Variants in EYS observed in about 807,000 individuals in gnomAD.
EYS encodes EGF-like photoreceptor maintenance factor, also known as protein eyes shut homolog.
In EYS, 250 loss-of-function variants were observed where a neutral mutation model predicts 282.1. That is an observed-to-expected ratio of 0.89 (90% CI 0.80 to 0.98). The LOEUF is 0.98. Among genes scored for constraint, EYS ranks in the 50% least tolerant of loss-of-function variants. The probability of loss-of-function intolerance (pLI) is 0.00; values close to 1 mark genes in which losing one functional copy is unlikely to be tolerated. For synonymous variants in EYS, 1,355 were observed against 1,282.9 expected, an observed-to-expected ratio of 1.06 and a Z score of -1.20; for missense variants, 4,016 against 3,709.0, an observed-to-expected ratio of 1.08 and a Z score of -2.15.
intron 12 of EYS, among the ~76,000 whole-genome samples, chr6:65,188,783 A>AAAAG (rs1765572155): frequency 1.3e-5 from 2 of 149,688 alleles, no homozygotes; most frequent in African/African-American, 4.9e-5. Context: ...AAAAAAAAAA[A>AAAAG]GATGAAGGAA....
chr6:64,821,289 T>C (rs1180940467), intron 21 of EYS, among the ~76,000 whole-genome samples: 1 of 152,058 alleles, frequency 6.6e-6, no homozygotes, highest in Non-Finnish European at 1.5e-5. Flanking sequence ...GATCCACAGA[T>C]ACCTCTGTCT....
chr6:65,150,332 T>C (rs935408138), intron 12 of EYS, among the ~76,000 whole-genome samples: 2 of 151,566 alleles, frequency 1.3e-5, no homozygotes, highest in Non-Finnish European at 2.9e-5. Context: ...TTTAGGAGTT[T>C]TAATACTCTT....
rs116335102 is a variant in EYS, at chr6:65,646,604, G to A, written c.-447-6712C>T. Among the ~76,000 whole-genome samples the A allele has an allele frequency of 4.9e-3, 747 of 152,270 alleles. 6 individuals carry two copies. Among genetic ancestry groups the A allele is most frequent in the African/African-American group, 0.017 (705 of 41,560 alleles). On this transcript the variant is annotated intron_variant, in intron 1 of 42. Coordinates refer to ENST00000503581, the MANE Select transcript of EYS (RefSeq NM_001142800.2). ...AAGAAGCTGAATGCATTCCTTCTGAGAACCAGAACACGACTAGCATGCCCA... is the reference window on the plus strand; with the variant it reads ...AAGAAGCTGAATGCATTCCTTCTGAAAACCAGAACACGACTAGCATGCCCA...
intron 16 of EYS, among the ~76,000 whole-genome samples, chr6:64,909,654 G>T (rs1035954905): frequency 2.6e-4 from 40 of 151,978 alleles, no homozygotes; most frequent in Non-Finnish European, 4.6e-4. Context: ...CAGAAGCTTT[G>T]CCCTTTATTT....
chr6:65,352,418 A>G (rs766110954), intron 9 of EYS, among the ~76,000 whole-genome samples: 1 of 152,054 alleles, frequency 6.6e-6, no homozygotes, highest in Non-Finnish European at 1.5e-5. Context: ...ATGTAAATCA[A>G]ATTTGCATCA....
chr6:64,393,391 T>G (rs1711873482), intron 28 of EYS, among the ~76,000 whole-genome samples: 2 of 152,298 alleles, frequency 1.3e-5, no homozygotes, highest in South Asian at 4.1e-4. Flanking sequence ...AATAAAATAC[T>G]GGCAAAACGA....
chr6:63,763,481 T>G (rs1488085055), intron 40 of EYS, among the ~76,000 whole-genome samples: 3 of 152,020 alleles, frequency 2.0e-5, no homozygotes, highest in Admixed American at 6.6e-5. Context: ...GAATTGTAGT[T>G]GGCATAATCC....
At chr6:64,272,464 C>T (rs1296436929) in intron 30 of EYS, among the ~76,000 whole-genome samples, 1 of 152,092 alleles carries the variant, frequency 6.6e-6, no homozygotes, top group Admixed American at 6.6e-5. Context: ...TGTAAGTCAG[C>T]CTGGTGGTGA....
At chr6:64,112,961 T>C (rs985533010) in intron 31 of EYS, among the ~76,000 whole-genome samples, 4 of 151,824 alleles carry the variant, frequency 2.6e-5, no homozygotes, top group Admixed American at 1.3e-4. Context: ...ATCGTGAAAA[T>C]GAAAATGCAA....
intron 5 of EYS, among the ~76,000 whole-genome samples, chr6:65,434,421 C>CGCCATTCTCCTGCCTCA (rs1399916799): frequency 6.6e-6 from 1 of 151,396 alleles, no homozygotes; most frequent in Non-Finnish European, 1.5e-5. Context: ...CCCACGTTCA[C>CGCCATTCTCCTGCCTCA]GCCATTCTCC....
intron 12 of EYS, among the ~76,000 whole-genome samples, chr6:65,289,478 A>C (rs756264974): frequency 1.1e-4 from 16 of 151,144 alleles, no homozygotes; most frequent in Non-Finnish European, 1.5e-5. Flanking sequence ...ATATGTGGAT[A>C]TGTTATATTT....
intron 36 of EYS, among the ~76,000 whole-genome samples, chr6:63,819,556 G>C (rs1289578808): frequency 6.6e-6 from 1 of 152,186 alleles, no homozygotes. Flanking sequence ...ACATCTTTCA[G>C]AATGGTGCTG....
intron 2 of EYS, among the ~76,000 whole-genome samples, chr6:65,512,864 A>T (rs933833841): frequency 6.6e-6 from 1 of 152,184 alleles, no homozygotes; most frequent in Non-Finnish European, 1.5e-5. Flanking sequence ...ACACCCTAAC[A>T]TCATAATTAA....
intron 26 of EYS, among the ~76,000 whole-genome samples, chr6:64,491,648 CCT>C (rs1776743905): frequency 6.6e-6 from 1 of 150,848 alleles, no homozygotes; most frequent in African/African-American, 2.4e-5. Context: ...GTACCATTAT[CCT>C]CTCTTTGCAG....
chr6:64,734,285 T>C (rs1237153899), intron 22 of EYS, among the ~76,000 whole-genome samples: 2 of 152,172 alleles, frequency 1.3e-5, no homozygotes, highest in African/African-American at 4.8e-5. Context: ...TTCCTTTTAT[T>C]ATCCATGTAA....
intron 22 of EYS, among the ~76,000 whole-genome samples, chr6:64,763,057 G>T (rs1008635938): frequency 6.6e-6 from 1 of 152,148 alleles, no homozygotes; most frequent in East Asian, 1.9e-4. Flanking sequence ...GTATTGGATT[G>T]CTTGCCATGG....
intron 36 of EYS, among the ~76,000 whole-genome samples, chr6:63,848,776 C>G (rs1239673253): frequency 2.0e-5 from 3 of 152,146 alleles, no homozygotes; most frequent in African/African-American, 7.2e-5. Context: ...AGACACTGAT[C>G]TAGATGCAGG....
At chr6:65,351,914 GAC>G (rs1764291347) in intron 9 of EYS, among the ~76,000 whole-genome samples, 1 of 151,720 alleles carries the variant, frequency 6.6e-6, no homozygotes, top group South Asian at 2.1e-4. Flanking sequence ...CAACTGAACT[GAC>G]ACAATCCCTA....
chr6:63,889,713 C>T (rs1467037571), intron 35 of EYS, among the ~76,000 whole-genome samples: 1 of 152,148 alleles, frequency 6.6e-6, no homozygotes, highest in African/African-American at 2.4e-5. Context: ...ACTGCATCAA[C>T]TAATGGGCAA....
Sources: allele counts gnomAD v4.1 joint callset (sites outside exome capture counted in the v4.1 genomes callset), GRCh38; gene constraint gnomAD v4.1.1; transcripts MANE v1.5; gene names NCBI Gene and HGNC (gene_info 2026-07-23, HGNC 2026-07-21).